TSHZ2: variants seen among roughly 807,000 people sequenced by gnomAD.
TSHZ2 encodes teashirt zinc finger homeobox 2, also known as teashirt homolog 2.
A neutral mutation model predicts 74.4 loss-of-function variants in TSHZ2; 21 were observed. The ratio of observed to expected loss-of-function variants is 0.28; its 90% CI spans 0.20 to 0.41. The LOEUF is 0.41. Among genes scored for constraint, TSHZ2 ranks in the 10% least tolerant of loss-of-function variants. The probability of loss-of-function intolerance (pLI) is 1.00; values close to 1 mark genes in which losing one functional copy is unlikely to be tolerated. For synonymous variants in TSHZ2, 540 were observed against 515.3 expected (o/e 1.05, Z -0.65); for missense variants, 1,244 against 1,293.5 (o/e 0.96, Z 0.59).
chr20:53,165,861 C>T (rs746273523), intron 1 of TSHZ2, among the ~76,000 whole-genome samples: 25 of 152,322 alleles, frequency 1.6e-4, no homozygotes, highest in Middle Eastern at 3.4e-3. Context: ...TCACTCACAA[C>T]GGTGACTGCA....
chr20:53,052,440 T>C (rs1345529347), intron 1 of TSHZ2, among the ~76,000 whole-genome samples: 3 of 152,196 alleles, frequency 2.0e-5, no homozygotes, highest in Non-Finnish European at 2.9e-5. Flanking sequence ...ATGTGCTCCT[T>C]ATGAGGATGG....
intron 1 of TSHZ2, among the ~76,000 whole-genome samples, chr20:52,979,420 G>A (rs949790398): frequency 3.3e-5 from 5 of 152,182 alleles, no homozygotes; most frequent in African/African-American, 1.2e-4. Context: ...TGAATGGGGA[G>A]CGTCTCCAGC....
intron 1 of TSHZ2, among the ~76,000 whole-genome samples, chr20:53,168,123 G>T (rs1988104610): frequency 6.6e-6 from 1 of 152,190 alleles, no homozygotes; most frequent in Non-Finnish European, 1.5e-5. Context: ...GCAAACCTCA[G>T]TCCCCGAGAT....
intron 1 of TSHZ2, among the ~76,000 whole-genome samples, chr20:53,128,019 G>A (rs1037402269): frequency 4.6e-5 from 5 of 108,560 alleles, no homozygotes; most frequent in Non-Finnish European, 9.2e-5. Flanking sequence ...ACCATGTTGT[G>A]GCTGTTTTTG....
At chr20:53,050,118 T>C (rs58359115) in intron 1 of TSHZ2, among the ~76,000 whole-genome samples, 1 of 96,922 alleles carries the variant, frequency 1.0e-5, no homozygotes, top group African/African-American at 7.3e-5. Flanking sequence ...TATATATATA[T>C]ATATATACAC....
At chr20:53,114,346 T>C (rs1043904965) in intron 1 of TSHZ2, among the ~76,000 whole-genome samples, 2 of 152,168 alleles carry the variant, frequency 1.3e-5, no homozygotes, top group African/African-American at 4.8e-5. Context: ...GTCTTGAGCC[T>C]AACTAGCTGC....
At chr20:53,363,079 A>G (rs2145607882) in intron 2 of TSHZ2, among the ~76,000 whole-genome samples, 1 of 152,314 alleles carries the variant, frequency 6.6e-6, no homozygotes, top group South Asian at 2.1e-4. Context: ...GGTGGACAAT[A>G]TGCCTGTCAC....
chr20:53,394,261 G>A (rs946647227), intron 2 of TSHZ2, among the ~76,000 whole-genome samples: 5 of 152,166 alleles, frequency 3.3e-5, no homozygotes, highest in African/African-American at 9.7e-5. Context: ...CCCATGAACC[G>A]ATGTCCCCAG....
At chr20:52,994,451 CGGAT>C (rs371594531) in intron 1 of TSHZ2, among the ~76,000 whole-genome samples, 1 of 151,130 alleles carries the variant, frequency 6.6e-6, no homozygotes, top group Non-Finnish European at 1.5e-5. Context: ...AATGAATGGA[CGGAT>C]GGATGGATGG....
chr20:53,418,050 G>A (rs1187762654), intron 2 of TSHZ2, among the ~76,000 whole-genome samples: 1 of 152,206 alleles, frequency 6.6e-6, no homozygotes, highest in Non-Finnish European at 1.5e-5. Flanking sequence ...GACGCCATAA[G>A]AGTGGCTGTG....
At chr20:53,360,254 A>G (rs1182321342) in intron 2 of TSHZ2, among the ~76,000 whole-genome samples, 1 of 152,216 alleles carries the variant, frequency 6.6e-6, no homozygotes, top group Non-Finnish European at 1.5e-5. Flanking sequence ...AAGACAGCAT[A>G]TGTCATTTTG....
chr20:52,983,205 C>T (rs1219613727), intron 1 of TSHZ2, among the ~76,000 whole-genome samples: 1 of 152,168 alleles, frequency 6.6e-6, no homozygotes, highest in South Asian at 2.1e-4. Context: ...AGCAAGTTTC[C>T]TCACCTCATT....
intron 1 of TSHZ2, among the ~76,000 whole-genome samples, chr20:53,096,375 T>A (rs892527217): frequency 6.6e-5 from 10 of 152,174 alleles, no homozygotes; most frequent in Non-Finnish European, 1.3e-4. Context: ...ACTCCTGAGC[T>A]CAAGTGATCC....
chr20:53,398,460 G>T (rs776851233), intron 2 of TSHZ2: 1 of 152,240 alleles, frequency 6.6e-6, no homozygotes, highest in Non-Finnish European at 1.5e-5. Flanking sequence ...TTTATTAACA[G>T]TTCTATCAGG....
chr20:53,419,545 G>A (rs1983392393), intron 2 of TSHZ2, among the ~76,000 whole-genome samples: 1 of 152,134 alleles, frequency 6.6e-6, no homozygotes. Context: ...AGAAAGGTGA[G>A]GTATAGACAT....
intron 2 of TSHZ2, among the ~76,000 whole-genome samples, chr20:53,376,966 A>G (rs1030393109): frequency 1.3e-5 from 2 of 152,232 alleles, no homozygotes; most frequent in African/African-American, 2.4e-5. Flanking sequence ...GCTCCTCTCC[A>G]TGGGAGGAAT....
chr20:53,270,197 A>C (rs1990806438), intron 2 of TSHZ2, among the ~76,000 whole-genome samples: 1 of 151,946 alleles, frequency 6.6e-6, no homozygotes, highest in South Asian at 2.1e-4. Context: ...TCTTCTGAGG[A>C]CATCTCCCAG....
chr20:53,150,075 T>C (rs373033062), intron 1 of TSHZ2, among the ~76,000 whole-genome samples: 72 of 152,368 alleles, frequency 4.7e-4, no homozygotes, highest in African/African-American at 1.6e-3. Flanking sequence ...GTTTTACTTA[T>C]ACACCTCACT....
chr20:53,415,071 G>T (rs1983189718), intron 2 of TSHZ2, among the ~76,000 whole-genome samples: 1 of 152,188 alleles, frequency 6.6e-6, no homozygotes, highest in African/African-American at 2.4e-5. Flanking sequence ...AAAGGTGGCA[G>T]CGAATCAAGA....
Sources: gnomAD v4.1 joint callset for allele counts (sites outside exome capture counted in the v4.1 genomes callset) on GRCh38, gnomAD v4.1.1 for gene constraint, MANE v1.5 for transcripts, NCBI Gene and HGNC (gene_info 2026-07-23, HGNC 2026-07-21) for gene names.